The following PRKCA variants were observed in gnomAD, a reference collection of about 807,000 sequenced individuals.
The protein encoded by PRKCA is protein kinase C alpha type.
A neutral mutation model predicts 87.0 loss-of-function variants in PRKCA; 27 were observed. The observed-to-expected ratio is 0.31, with a 90% CI of 0.23 to 0.43. The LOEUF (loss-of-function observed/expected upper bound fraction) is 0.43. Among genes scored for constraint, PRKCA ranks in the 20% least tolerant of loss-of-function variants. The pLI, the probability that PRKCA is intolerant of heterozygous loss-of-function variation, is 1.00. For synonymous variants in PRKCA, 329 were observed against 311.1 expected, an observed-to-expected ratio of 1.06 and a Z score of -0.61; for missense variants, 518 against 852.3, an observed-to-expected ratio of 0.61 and a Z score of 4.88.
chr17:66,317,437 C>T (rs1264692201), intron 2 of PRKCA, among the ~76,000 whole-genome samples: 2 of 152,160 alleles, frequency 1.3e-5, no homozygotes, highest in Non-Finnish European at 2.9e-5. Flanking sequence ...TACTACCACC[C>T]CATGGGTGGA....
chr17:66,395,193 C>A (rs1261066922), intron 2 of PRKCA, among the ~76,000 whole-genome samples: 1 of 152,028 alleles, frequency 6.6e-6, no homozygotes, highest in Non-Finnish European at 1.5e-5. Flanking sequence ...ACCAACAGGA[C>A]CGTTTCAGAT....
At chr17:66,628,898 G>A (rs58487115) in intron 3 of PRKCA, among the ~76,000 whole-genome samples, 4,392 of 152,198 alleles carry the variant, frequency 0.029, 228 homozygotes, top group African/African-American at 0.1. Flanking sequence ...GCATGTTGGC[G>A]CATGCCTGTA....
chr17:66,336,668 G>GTAAAT (rs1906695670), intron 2 of PRKCA, among the ~76,000 whole-genome samples: 2 of 137,732 alleles, frequency 1.5e-5, no homozygotes. Flanking sequence ...TGCCTATATA[G>GTAAAT]TAAATTATTA....
intron 13 of PRKCA, among the ~76,000 whole-genome samples, chr17:66,761,720 G>T (rs549418414): frequency 7.2e-5 from 11 of 152,068 alleles, no homozygotes; most frequent in African/African-American, 2.7e-4. Context: ...CACTGTGCCC[G>T]GCCAGTTTTC....
chr17:66,442,018 A>G (rs1179508665), intron 2 of PRKCA, among the ~76,000 whole-genome samples: 1 of 151,504 alleles, frequency 6.6e-6, no homozygotes, highest in African/African-American at 2.4e-5. Context: ...GCCAAGGGAT[A>G]TTTTTTATAT....
intron 3 of PRKCA, among the ~76,000 whole-genome samples, chr17:66,627,949 A>T (rs372262213): frequency 1.2e-4 from 19 of 152,356 alleles, no homozygotes; most frequent in African/African-American, 3.6e-4. Context: ...TCAGCTATCA[A>T]TTTGTGGAGG....
intron 5 of PRKCA, among the ~76,000 whole-genome samples, chr17:66,661,660 T>G (rs1373312900): frequency 3.3e-5 from 5 of 152,186 alleles, no homozygotes; most frequent in African/African-American, 1.2e-4. Context: ...AGCCACCCAG[T>G]GCATTAATCA....
chr17:66,332,935 C>T (rs1598597495), intron 2 of PRKCA, among the ~76,000 whole-genome samples: 1 of 152,208 alleles, frequency 6.6e-6, no homozygotes, highest in Non-Finnish European at 1.5e-5. Flanking sequence ...TTGTGATCCA[C>T]CCGCCTTGGC....
At chr17:66,629,711 G>A (rs1269703550) in intron 3 of PRKCA, among the ~76,000 whole-genome samples, 1 of 152,164 alleles carries the variant, frequency 6.6e-6, no homozygotes, top group Admixed American at 6.5e-5. Flanking sequence ...CATTTTAATA[G>A]AGGATAGATC....
chr17:66,565,351 G>GT (rs1968856635), intron 3 of PRKCA, among the ~76,000 whole-genome samples: 1 of 152,286 alleles, frequency 6.6e-6, no homozygotes, highest in South Asian at 2.1e-4. Flanking sequence ...AATTTGCATT[G>GT]TACCTTCTCC....
intron 2 of PRKCA, among the ~76,000 whole-genome samples, chr17:66,349,336 G>T: frequency 6.6e-6 from 1 of 152,134 alleles, no homozygotes; most frequent in Non-Finnish European, 1.5e-5. Flanking sequence ...CTCCCCTGAG[G>T]ATGAATATGC....
chr17:66,388,648 G>A (rs554080350), intron 2 of PRKCA, among the ~76,000 whole-genome samples: 1 of 152,124 alleles, frequency 6.6e-6, no homozygotes, highest in Non-Finnish European at 1.5e-5. Flanking sequence ...GGAAAAGTAT[G>A]GGCCTCTCCA....
Position 66,517,061 on chromosome 17 carries a change from G to A in PRKCA, c.288+20778G>A, listed in dbSNP as rs530695683. 7.9e-5 allele frequency among the ~76,000 whole-genome samples: 12 copies of A among 152,230 alleles called. No individual in the cohort carries two copies. The East Asian group carries it at 1.5e-3, about 20-fold the overall frequency. Reference sequence around the variant, plus strand: ...AGCACTTTGGGAAGCCGAGGCGGGCGGATCACGAGGTCAAGAAATCGAGAC... The same window carrying A: ...AGCACTTTGGGAAGCCGAGGCGGGCAGATCACGAGGTCAAGAAATCGAGAC... On this transcript the variant is annotated intron_variant, in intron 3 of 16. Transcript: ENST00000413366.
In PRKCA at chr17:66,302,784, GC is replaced by G; in HGVS notation, c.-63del. 2 of 1,354,496 alleles carry G rather than the reference GC, an allele frequency of 1.5e-6. No homozygotes were observed. Among genetic ancestry groups the G allele is most frequent in the Non-Finnish European group, 1.9e-6 (2 of 1,034,876 alleles). 83.9% of individuals were successfully genotyped at this position (1,354,496 alleles called of 1,614,324 possible). Reference sequence around the variant, plus strand: ...CCCGAGCCCGCACCTCTCCCCCGCCGCCCCCGCCCACCCGGCCCTCCGCGGC... The same window carrying G: ...CCCGAGCCCGCACCTCTCCCCCGCCGCCCCGCCCACCCGGCCCTCCGCGGC... On this transcript the variant is annotated 5_prime_UTR_variant, in exon 1 of 17. Coordinates refer to ENST00000413366, the MANE Select transcript of PRKCA (RefSeq NM_002737.3).
At chr17:66,458,216 T>A (rs1236736272) in intron 2 of PRKCA, among the ~76,000 whole-genome samples, 2 of 152,238 alleles carry the variant, frequency 1.3e-5, no homozygotes, top group African/African-American at 4.8e-5. Flanking sequence ...TTTCGCAGAA[T>A]CAGCCAGTGA....
At chr17:66,312,949 G>C (rs1468031611) in intron 2 of PRKCA, among the ~76,000 whole-genome samples, 1 of 151,914 alleles carries the variant, frequency 6.6e-6, no homozygotes, top group African/African-American at 2.4e-5. Context: ...ATGTTGGTCA[G>C]GCTAGTCTCG....
intron 3 of PRKCA, among the ~76,000 whole-genome samples, chr17:66,628,462 A>AT (rs1040819804): frequency 2.6e-4 from 40 of 152,092 alleles, no homozygotes; most frequent in African/African-American, 9.4e-4. Flanking sequence ...AAACTGTTAG[A>AT]TTTTTTAAAA....
At chr17:66,552,868 C>G (rs1405667589) in intron 3 of PRKCA, among the ~76,000 whole-genome samples, 1 of 152,200 alleles carries the variant, frequency 6.6e-6, no homozygotes, top group South Asian at 2.1e-4. Context: ...ATGAAATACA[C>G]TATAGACACA....
chr17:66,689,065 C>T lies in PRKCA; in HGVS notation c.918+18C>T. The stretch of plus-strand genomic sequence containing the variant: ...AATTCGAGGTGAGGATAACAAAATG[C>T]CCGGAAACACCTTTCCTTTAGAAAG... On this transcript the variant is annotated intron_variant, in intron 8 of 16. Coordinates refer to ENST00000413366, the MANE Select transcript of PRKCA (RefSeq NM_002737.3). The surrounding 1 kb of genome is among the most constrained non-coding windows in gnomAD (Gnocchi z 4.1). 2.7e-6 allele frequency: 4 copies of T among 1,493,916 alleles called. No homozygotes were observed. Among genetic ancestry groups the T allele is most frequent in the Non-Finnish European group, 3.7e-6 (4 of 1,089,992 alleles). The allele number at this position is 1,493,916 out of a possible 1,614,324, so 92.5% of individuals were successfully genotyped here. A position where few individuals can be genotyped will look rare whatever the true frequency, so the allele number is the denominator to read the frequency against.
Sources: gnomAD v4.1 joint callset for allele counts (sites outside exome capture counted in the v4.1 genomes callset) on GRCh38, gnomAD v4.1.1 for gene constraint, Gnocchi (gnomAD v3.1) non-coding constraint, MANE v1.5 for transcripts, NCBI Gene and HGNC (gene_info 2026-07-23, HGNC 2026-07-21) for gene names.